ERN1: variants seen among roughly 807,000 people sequenced by gnomAD.
The protein encoded by ERN1 is endoplasmic reticulum to nucleus signaling 1.
ERN1 carries 39 observed loss-of-function variants against 113.1 expected under a neutral mutation model. The observed-to-expected ratio is 0.34, with a 90% CI of 0.27 to 0.45. The LOEUF is 0.45. Among genes scored for constraint, ERN1 ranks in the 20% least tolerant of loss-of-function variants. The pLI is 1.00. For synonymous variants in ERN1, 507 were observed against 515.9 expected (o/e 0.98, Z 0.23); for missense variants, 976 against 1,274.8 (o/e 0.77, Z 3.57).
intron 5 of ERN1, among the ~76,000 whole-genome samples, chr17:64,073,733 T>C (rs1913502974): frequency 6.6e-6 from 1 of 151,986 alleles, no homozygotes; most frequent in African/African-American, 2.4e-5. Context: ...CCTCGTGATC[T>C]GCCCGCCTCA....
At chr17:64,071,931 C>T (rs776768805) in intron 6 of ERN1, 50 bp downstream of exon 6, 27 of 1,546,394 alleles carry the variant, frequency 1.7e-5, no homozygotes, top group African/African-American at 4.1e-5. Context: ...GAGCTTCTTC[C>T]GATCTTCTGG....
chr17:64,119,247 T>A (rs1442249006), intron 1 of ERN1, among the ~76,000 whole-genome samples: 1 of 152,080 alleles, frequency 6.6e-6, no homozygotes, highest in Non-Finnish European at 1.5e-5. Flanking sequence ...GGCCTATTAG[T>A]TAAAGCTGAT....
chr17:64,058,593 T>A (rs1912954715), intron 11 of ERN1, among the ~76,000 whole-genome samples: 1 of 152,072 alleles, frequency 6.6e-6, no homozygotes, highest in Admixed American at 6.6e-5. Flanking sequence ...CAAAATTAAA[T>A]CAGATAAAAA....
At chr17:64,072,161 C>T (rs1446447939) in intron 5 of ERN1, 58 bp from the exon 6 acceptor site, 28 of 1,587,810 alleles carry the variant, frequency 1.8e-5, no homozygotes, top group Non-Finnish European at 2.3e-5. Context: ...GTATCGCTGC[C>T]AAACTAGCAG....
Position 64,054,686 on chromosome 17 carries a change from C to G in ERN1, c.1763+52G>C. 4 of 1,428,632 alleles carry G rather than the reference C, an allele frequency of 2.8e-6. No individual in the cohort carries two copies. The highest frequency in any genetic ancestry group is 2.9e-6 in the Non-Finnish European group (3 of 1,036,714). The allele number at this position is 1,428,632 out of a possible 1,614,324, so 88.5% of individuals were successfully genotyped here. A position where few individuals can be genotyped will look rare whatever the true frequency, so the allele number is the denominator to read the frequency against. On this transcript the variant is annotated intron_variant, in intron 14 of 21. Coordinates refer to ENST00000433197, the MANE Select transcript of ERN1 (RefSeq NM_001433.5). The surrounding 1 kb of genome is among the most constrained non-coding windows in gnomAD (Gnocchi z 4.9). The stretch of plus-strand genomic sequence containing the variant: ...GCCTGGCACCAGGCTCGCAACCTGA[C>G]AGGCACTTAGACACCAGGCGGTGAG...
chr17:64,126,621 AAAC>A (rs1264116096), intron 1 of ERN1, among the ~76,000 whole-genome samples: 2 of 152,220 alleles, frequency 1.3e-5, no homozygotes, highest in Non-Finnish European at 2.9e-5. Flanking sequence ...CAAGTTAATG[AAAC>A]AATACACATG....
intron 1 of ERN1, among the ~76,000 whole-genome samples, chr17:64,107,556 A>G (rs1323930547): frequency 6.6e-6 from 1 of 152,172 alleles, no homozygotes; most frequent in Non-Finnish European, 1.5e-5. Context: ...TCCTGGGCTC[A>G]AGCAATCTTC....
At chr17:64,071,081 A>T (rs1913399175) in intron 6 of ERN1, among the ~76,000 whole-genome samples, 1 of 152,252 alleles carries the variant, frequency 6.6e-6, no homozygotes, top group Non-Finnish European at 1.5e-5. Flanking sequence ...AAAGAGGCTG[A>T]AAAGGGAGGA....
Position 64,049,839 on chromosome 17 carries a change from G to GA in ERN1, c.2254-638_2254-637insT, listed in dbSNP as rs961811618. Among the ~76,000 whole-genome samples, 1 of 152,214 alleles carries GA rather than the reference G, an allele frequency of 6.6e-6. No individual in the cohort carries two copies. The highest frequency in any genetic ancestry group is 1.5e-5 in the Non-Finnish European group (1 of 68,036). Reference sequence around the variant, plus strand: ...TCCTTCGAGGGAAATGTACGTTTGTGTTTTTTAGCTCATGCTACCTGGGGT... The same window carrying GA: ...TCCTTCGAGGGAAATGTACGTTTGTGATTTTTTAGCTCATGCTACCTGGGGT... On this transcript the variant is annotated intron_variant, in intron 17 of 21. Transcript: ENST00000433197. This position sits in a 1 kb window ranked among gnomAD's most constrained non-coding sequence, Gnocchi z 4.7.
At chr17:64,126,242 T>C (rs1371406834) in intron 1 of ERN1, among the ~76,000 whole-genome samples, 1 of 152,226 alleles carries the variant, frequency 6.6e-6, no homozygotes, top group East Asian at 1.9e-4. Context: ...ATTAAGATGA[T>C]ACATTAGGCT....
At chr17:64,067,522 C>G (rs955697174) in intron 7 of ERN1, among the ~76,000 whole-genome samples, 1 of 151,046 alleles carries the variant, frequency 6.6e-6, no homozygotes, top group Non-Finnish European at 1.5e-5. Context: ...GTGGGAAGAT[C>G]GCTTGAGCCT....
intron 4 of ERN1, among the ~76,000 whole-genome samples, chr17:64,078,867 G>A (rs1374790529): frequency 4.6e-5 from 7 of 152,130 alleles, no homozygotes; most frequent in African/African-American, 7.2e-5. Flanking sequence ...TTAGCTGGGC[G>A]TGGAGATGTA....
intron 5 of ERN1, chr17:64,074,934 C>A: frequency 2.0e-6 from 1 of 498,742 alleles, no homozygotes; most frequent in Non-Finnish European, 3.5e-6. Flanking sequence ...ACTAAGTCAA[C>A]ACAGCAACTA....
At chr17:64,062,626 T>C (rs1913089285) in intron 10 of ERN1, among the ~76,000 whole-genome samples, 1 of 152,228 alleles carries the variant, frequency 6.6e-6, no homozygotes, top group African/African-American at 2.4e-5. Flanking sequence ...CCATATTTTC[T>C]GTATTCTCAT....
intron 2 of ERN1, among the ~76,000 whole-genome samples, chr17:64,086,928 G>A (rs557984818): frequency 2.6e-5 from 4 of 152,156 alleles, no homozygotes; most frequent in South Asian, 2.1e-4. Context: ...ATAGGTGTGT[G>A]CCCAGCCTAT....
In ERN1 at chr17:64,048,085, T is replaced by C. The variant is rs570144981; in HGVS notation, c.2402-100A>G. 97 of 1,075,434 alleles carry C rather than the reference T, an allele frequency of 9.0e-5. No homozygotes were observed. The South Asian group carries it at 1.4e-3, about 16-fold the overall frequency. 66.6% of individuals were successfully genotyped at this position (1,075,434 alleles called of 1,614,324 possible). A position where few individuals can be genotyped will look rare whatever the true frequency, so the allele number is the denominator to read the frequency against. ...CTGCACACCCTCTCATTTATGATTC[T>C]ATTTACAGGAATTTATTCCAATAAA... On this transcript the variant is annotated intron_variant, in intron 18 of 21. Transcript: ENST00000433197.
At chr17:64,110,248 A>C (rs1044862983) in intron 1 of ERN1, among the ~76,000 whole-genome samples, 29 of 152,324 alleles carry the variant, frequency 1.9e-4, no homozygotes, top group African/African-American at 7.0e-4. Flanking sequence ...AATTATATAT[A>C]CTTACGGTGT....
Position 64,054,188 on chromosome 17 carries a change from C to T in ERN1, c.1953+62G>A. On this transcript the variant is annotated intron_variant, in intron 15 of 21. Coordinates refer to ENST00000433197, the MANE Select transcript of ERN1 (RefSeq NM_001433.5). This position sits in a 1 kb window ranked among gnomAD's most constrained non-coding sequence, Gnocchi z 4.9. ...CTCCTGAGCTCACGTGATCTGCTCA[C>T]TTTGGCCTCCCAAAGTGCTATGACT... 6.9e-7 allele frequency: 1 copy of T among 1,447,132 alleles called. No homozygotes were observed. Among genetic ancestry groups the T allele is most frequent in the South Asian group, 1.3e-5 (1 of 76,846 alleles). The allele number at this position is 1,447,132 out of a possible 1,614,324, so 89.6% of individuals were successfully genotyped here.
chr17:64,044,175 G>C lies in ERN1; in HGVS notation c.2747C>G (p.Ala916Gly), dbSNP rs200521792. 238 of 1,575,886 alleles carry C rather than the reference G, an allele frequency of 1.5e-4. No homozygotes were observed. Among genetic ancestry groups the C allele is most frequent in the Non-Finnish European group, 1.9e-4 (225 of 1,156,594 alleles). ...NKKHHYRELPAEVRETLGSLP... is the reference protein window; with the variant it reads ...NKKHHYRELPGEVRETLGSLP... ...GGACCCCAGCGTCTCCCGCACCTCT[G>C]CAGGCAGCTCCCGGTAGTGGTGCTT... The change falls in exon 22 of 22, where the codon GCA (alanine) becomes GGA (glycine). Residue 916 changes from alanine (A) to glycine (G), a missense_variant. Ala to Gly is a moderately conservative substitution (Grantham distance 60). Coordinates refer to ENST00000433197, the MANE Select transcript of ERN1 (RefSeq NM_001433.5). The surrounding 1 kb of genome is among the most constrained non-coding windows in gnomAD (Gnocchi z 4.1).
Sources: gnomAD v4.1 joint callset for allele counts (sites outside exome capture counted in the v4.1 genomes callset) on GRCh38, gnomAD v4.1.1 for gene constraint, Gnocchi (gnomAD v3.1) non-coding constraint, MANE v1.5 for transcripts, NCBI Gene and HGNC (gene_info 2026-07-23, HGNC 2026-07-21) for gene names.